The following NCALD variants were observed in gnomAD, a reference collection of about 807,000 sequenced individuals.
The protein encoded by NCALD is neurocalcin-delta.
In NCALD, 10 loss-of-function variants were observed where a neutral mutation model predicts 18.6. The observed-to-expected ratio is 0.54, with a 90% CI of 0.33 to 0.91. The LOEUF is 0.91. NCALD is among the 40% of genes least tolerant of loss of function. The pLI, the probability that NCALD is intolerant of heterozygous loss-of-function variation, is 0.03. For missense variants in NCALD, 184 were observed against 247.6 expected, an observed-to-expected ratio of 0.74 and a Z score of 1.72; for synonymous variants, 88 against 87.4, an observed-to-expected ratio of 1.01 and a Z score of -0.04.
intron 2 of NCALD, among the ~76,000 whole-genome samples, chr8:101,941,566 T>C (rs1300615650): frequency 6.6e-6 from 1 of 152,236 alleles, no homozygotes; most frequent in Non-Finnish European, 1.5e-5. Flanking sequence ...GTGTTTATGA[T>C]TCTTCTCATG....
intron 4 of NCALD, among the ~76,000 whole-genome samples, chr8:101,825,944 C>T (rs1813919896): frequency 6.6e-6 from 1 of 152,200 alleles, no homozygotes; most frequent in African/African-American, 2.4e-5. Context: ...AGTTTTCTCA[C>T]ATCTGACTTA....
At chr8:101,872,373 A>G in intron 4 of NCALD, 10 of 1,528,176 alleles carry the variant, frequency 6.5e-6, no homozygotes, top group Non-Finnish European at 9.1e-6. Flanking sequence ...ACTCGTCTTC[A>G]TGATCCTCCA....
chr8:101,945,051 C>T (rs1178587372), intron 2 of NCALD, among the ~76,000 whole-genome samples: 1 of 152,152 alleles, frequency 6.6e-6, no homozygotes, highest in Admixed American at 6.5e-5. Context: ...TGTTCGTGTC[C>T]TACGTGACAT....
At chr8:101,788,001 G>A (rs1812297206) in intron 1 of NCALD, among the ~76,000 whole-genome samples, 1 of 152,192 alleles carries the variant, frequency 6.6e-6, no homozygotes, top group African/African-American at 2.4e-5. Context: ...AACCAGGTAA[G>A]GGTTTCCCAA....
At chr8:102,067,025 G>T (rs1824030912) in intron 1 of NCALD, among the ~76,000 whole-genome samples, 1 of 152,132 alleles carries the variant, frequency 6.6e-6, no homozygotes, top group African/African-American at 2.4e-5. Flanking sequence ...AGAATTGTTT[G>T]CATTTTAAAG....
At chr8:102,054,304 A>T (rs1823555747) in intron 1 of NCALD, among the ~76,000 whole-genome samples, 1 of 152,218 alleles carries the variant, frequency 6.6e-6, no homozygotes, top group Non-Finnish European at 1.5e-5. Flanking sequence ...ATGTCACTGT[A>T]AAGGTTATTT....
intron 4 of NCALD, among the ~76,000 whole-genome samples, chr8:101,829,246 A>T (rs957244916): frequency 5.9e-5 from 9 of 152,206 alleles, no homozygotes; most frequent in African/African-American, 2.2e-4. Flanking sequence ...TTTCTGAGAG[A>T]AAAATGAATA....
intron 1 of NCALD, among the ~76,000 whole-genome samples, chr8:101,759,114 C>A (rs573033482): frequency 1.3e-5 from 2 of 152,302 alleles, no homozygotes; most frequent in South Asian, 4.1e-4. Context: ...CAGAAACCGC[C>A]CACATTTTCA....
At chr8:101,825,784 C>T (rs1813911593) in intron 4 of NCALD, among the ~76,000 whole-genome samples, 1 of 152,206 alleles carries the variant, frequency 6.6e-6, no homozygotes, top group South Asian at 2.1e-4. Flanking sequence ...GCAGGTCATA[C>T]CATCTCCGTC....
At chr8:101,993,810 C>T in intron 2 of NCALD, among the ~76,000 whole-genome samples, 1 of 152,190 alleles carries the variant, frequency 6.6e-6, no homozygotes, top group East Asian at 1.9e-4. Flanking sequence ...TTGACTTTAC[C>T]ACCTATCACT....
intron 1 of NCALD, among the ~76,000 whole-genome samples, chr8:101,750,371 C>G (rs970290127): frequency 2.0e-5 from 3 of 152,130 alleles, no homozygotes; most frequent in Non-Finnish European, 2.9e-5. Flanking sequence ...CCAAACCATC[C>G]TCTTGACTTG....
intron 1 of NCALD, among the ~76,000 whole-genome samples, chr8:101,749,459 T>C (rs770315934): frequency 1.6e-4 from 24 of 152,146 alleles, no homozygotes; most frequent in Non-Finnish European, 2.9e-4. Context: ...TATTACAGAA[T>C]AATTAATCAC....
At chr8:101,879,046 C>T (rs541392517) in intron 4 of NCALD, among the ~76,000 whole-genome samples, 15 of 152,346 alleles carry the variant, frequency 9.8e-5, no homozygotes, top group Non-Finnish European at 1.5e-4. Flanking sequence ...TAAACTTCTA[C>T]AGGAGCTGGA....
At chr8:101,871,089 C>A (rs1456107122) in intron 4 of NCALD, among the ~76,000 whole-genome samples, 1 of 152,058 alleles carries the variant, frequency 6.6e-6, no homozygotes, top group African/African-American at 2.4e-5. Context: ...GTGCTCTGAG[C>A]GCAATTTAAT....
chr8:101,914,808 C>T (rs892881307), intron 3 of NCALD, among the ~76,000 whole-genome samples: 2 of 152,168 alleles, frequency 1.3e-5, no homozygotes. Flanking sequence ...GCTCCAGGCT[C>T]ATCTTGTATA....
intron 1 of NCALD, among the ~76,000 whole-genome samples, chr8:101,760,681 G>C (rs1428518783): frequency 3.3e-5 from 5 of 152,290 alleles, no homozygotes; most frequent in African/African-American, 7.2e-5. Flanking sequence ...TTTTCAAGTT[G>C]AGGTGTGGCT....
intron 4 of NCALD, among the ~76,000 whole-genome samples, chr8:101,827,353 C>T (rs1398298001): frequency 6.6e-6 from 1 of 152,216 alleles, no homozygotes; most frequent in Non-Finnish European, 1.5e-5. Context: ...TCTGCAAAGA[C>T]CCTTTTTCCA....
chr8:102,037,526 A>G (rs1822912413), intron 1 of NCALD, among the ~76,000 whole-genome samples: 1 of 152,238 alleles, frequency 6.6e-6, no homozygotes, highest in Non-Finnish European at 1.5e-5. Flanking sequence ...CATATCATAC[A>G]TGTATTATAT....
chr8:101,719,107 A>C, intron 2 of NCALD, 145 bp downstream of exon 2: 1 of 919,232 alleles, frequency 1.1e-6, no homozygotes, highest in East Asian at 2.5e-5. Context: ...ATGCAGTTTA[A>C]ACTGTTCAAA....
Sources: allele counts gnomAD v4.1 joint callset (sites outside exome capture counted in the v4.1 genomes callset), GRCh38; gene constraint gnomAD v4.1.1; transcripts MANE v1.5; gene names NCBI Gene and HGNC (gene_info 2026-07-23, HGNC 2026-07-21).